ARID1B: variants seen among roughly 807,000 people sequenced by gnomAD.
ARID1B encodes AT-rich interaction domain 1B, also known as AT-rich interactive domain-containing protein 1B.
ARID1B carries 30 observed loss-of-function variants against 212.3 expected under a neutral mutation model. The observed-to-expected ratio is 0.14, with a 90% CI of 0.11 to 0.19. The LOEUF (loss-of-function observed/expected upper bound fraction) is 0.19, where lower values mean the gene tolerates loss of function less well. Among genes scored for constraint, ARID1B ranks in the 10% least tolerant of loss-of-function variants. The pLI, the probability that ARID1B is intolerant of heterozygous loss-of-function variation, is 1.00. For synonymous variants in ARID1B, 1,402 were observed against 1,301.7 expected (o/e 1.08, Z -1.66); for missense variants, 2,891 against 3,204.0 (o/e 0.90, Z 2.36).
intron 3 of ARID1B, among the ~76,000 whole-genome samples, chr6:156,932,469 C>T (rs1791828788): frequency 6.6e-6 from 1 of 150,538 alleles, no homozygotes; most frequent in Admixed American, 6.6e-5. Flanking sequence ...GGTTTACACA[C>T]TGGTGTTCAC....
In ARID1B at chr6:156,888,423, C is replaced by T. The variant is rs138162849; in HGVS notation, c.1987-12953C>T. ...TATTTTAAAGTCTTATTAGAAAACC[C>T]TGCTGTTCTAACATGTGTGTGAAGT... On this transcript the variant is annotated intron_variant, in intron 2 of 19. Coordinates refer to ENST00000636930, the MANE Select transcript of ARID1B (RefSeq NM_001374828.1). Among the ~76,000 whole-genome samples the T allele has an allele frequency of 3.0e-3, 451 of 152,286 alleles. 1 individual carries two copies. The highest frequency in any genetic ancestry group is 4.9e-3 in the Admixed American group (75 of 15,292).
intron 3 of ARID1B, chr6:156,901,792 C>T (rs1788966224): frequency 2.0e-6 from 1 of 511,044 alleles, no homozygotes; most frequent in Non-Finnish European, 3.4e-6. Context: ...ATTGCTTGTT[C>T]CCTGTCATTT....
chr6:156,923,168 C>G (rs1177987865), intron 3 of ARID1B, among the ~76,000 whole-genome samples: 1 of 152,138 alleles, frequency 6.6e-6, no homozygotes, highest in Non-Finnish European at 1.5e-5. Context: ...GGGAAATTAG[C>G]CATTGTTAAT....
At chr6:157,046,296 G>T (rs1782239050) in intron 4 of ARID1B, among the ~76,000 whole-genome samples, 1 of 152,198 alleles carries the variant, frequency 6.6e-6, no homozygotes. Context: ...GAAGAGGCAG[G>T]TTAGAGCCCT....
chr6:157,070,276 G>A (rs1783932190), intron 4 of ARID1B, among the ~76,000 whole-genome samples: 1 of 150,632 alleles, frequency 6.6e-6, no homozygotes, highest in Non-Finnish European at 1.5e-5. Flanking sequence ...ATATTTTTTG[G>A]TTAGTAGTAC....
intron 4 of ARID1B, among the ~76,000 whole-genome samples, chr6:156,961,196 C>T (rs568750944): frequency 6.6e-6 from 1 of 152,288 alleles, no homozygotes; most frequent in African/African-American, 2.4e-5. Flanking sequence ...GCGTGCTCTG[C>T]GACAGAGTGC....
At chr6:156,861,843 G>A (rs1785356493) in intron 2 of ARID1B, among the ~76,000 whole-genome samples, 1 of 152,168 alleles carries the variant, frequency 6.6e-6, no homozygotes, top group Admixed American at 6.5e-5. Flanking sequence ...AGCCTGAAAG[G>A]AAGGTGAGTG....
chr6:156,968,004 G>T (rs1794890502), intron 4 of ARID1B, among the ~76,000 whole-genome samples: 1 of 152,186 alleles, frequency 6.6e-6, no homozygotes. Context: ...GTCCTAGGAA[G>T]GAATGTCCTT....
chr6:156,920,148 G>A (rs957495787), intron 3 of ARID1B, among the ~76,000 whole-genome samples: 7 of 152,236 alleles, frequency 4.6e-5, no homozygotes, highest in Admixed American at 1.3e-4. Context: ...GGCGCTCTCC[G>A]AGCAAGCCTC....
At chr6:157,160,611 CAT>C (rs1430257498) in intron 8 of ARID1B, among the ~76,000 whole-genome samples, 1 of 152,150 alleles carries the variant, frequency 6.6e-6, no homozygotes, top group African/African-American at 2.4e-5. Flanking sequence ...TTAAAATAAA[CAT>C]ATTTTAATGC....
intron 1 of ARID1B, among the ~76,000 whole-genome samples, chr6:156,794,550 A>G (rs891433514): frequency 2.7e-5 from 4 of 147,136 alleles, no homozygotes; most frequent in Non-Finnish European, 4.5e-5. Flanking sequence ...ATTCACATGA[A>G]CCATGGAGCC....
At position 157,142,113 on chromosome 6, in the gene ARID1B, G is replaced by A. The variant is rs982078830; in HGVS notation, c.2762-6511G>A. Among the ~76,000 whole-genome samples, 16 of 152,270 alleles carry A rather than the reference G, an allele frequency of 1.1e-4. 1 individual carries two copies. Among genetic ancestry groups the A allele is most frequent in the South Asian group, 1.0e-3 (5 of 4,822 alleles). On this transcript the variant is annotated intron_variant, in intron 7 of 19. Coordinates refer to ENST00000636930, the MANE Select transcript of ARID1B (RefSeq NM_001374828.1). ...GGCATAATGCTAAGAAGCCAGCCAC[G>A]AAAGCCTATACTGTGTGACTCCATG...
At chr6:156,922,912 C>T (rs1790925707) in intron 3 of ARID1B, among the ~76,000 whole-genome samples, 1 of 152,158 alleles carries the variant, frequency 6.6e-6, no homozygotes, top group South Asian at 2.1e-4. Context: ...TTCTGAAGGC[C>T]TCCTGTGGCC....
intron 1 of ARID1B, among the ~76,000 whole-genome samples, chr6:156,810,632 C>T (rs1451454599): frequency 6.6e-6 from 1 of 152,080 alleles, no homozygotes; most frequent in East Asian, 1.9e-4. Context: ...TTCATTTTGC[C>T]TGGTGGTTTC....
chr6:157,104,141 C>A (rs559208561), intron 5 of ARID1B, among the ~76,000 whole-genome samples: 1 of 152,266 alleles, frequency 6.6e-6, no homozygotes, highest in Non-Finnish European at 1.5e-5. Context: ...GGCCTAACAA[C>A]TCTGTTATTA....
intron 4 of ARID1B, among the ~76,000 whole-genome samples, chr6:156,972,056 A>C (rs968279399): frequency 6.6e-6 from 1 of 152,186 alleles, no homozygotes; most frequent in Non-Finnish European, 1.5e-5. Flanking sequence ...TGGGAAGGAC[A>C]TAGGTTTCTT....
At chr6:157,152,324 C>T (rs147486284) in intron 8 of ARID1B, 3 of 152,260 alleles carry the variant, frequency 2.0e-5, no homozygotes, top group East Asian at 1.9e-4. Context: ...CTAACCAGCA[C>T]GAGGAGATCA....
intron 2 of ARID1B, among the ~76,000 whole-genome samples, chr6:156,852,213 C>T (rs562999214): frequency 2.0e-5 from 3 of 151,844 alleles, no homozygotes; most frequent in Non-Finnish European, 2.9e-5. Context: ...ACTGGGAGGC[C>T]GAGGTGGGAG....
intron 4 of ARID1B, among the ~76,000 whole-genome samples, chr6:156,969,714 C>G (rs575071294): frequency 6.6e-6 from 1 of 152,106 alleles, no homozygotes; most frequent in Non-Finnish European, 1.5e-5. Context: ...TTGATTCATA[C>G]GAGCTTTATA....
Sources: gnomAD v4.1 joint callset for allele counts (sites outside exome capture counted in the v4.1 genomes callset) on GRCh38, gnomAD v4.1.1 for gene constraint, MANE v1.5 for transcripts, NCBI Gene and HGNC (gene_info 2026-07-23, HGNC 2026-07-21) for gene names.